The following SYCE3 variants were observed in gnomAD, a reference collection of about 807,000 sequenced individuals.
SYCE3 encodes synaptonemal complex central element protein 3, also known as testis highly expressed gene 2 protein.
Under a neutral mutation model 8.1 loss-of-function variants are expected in SYCE3, and 3 were observed. The observed-to-expected ratio is 0.37, with a 90% CI of 0.17 to 0.96. The LOEUF is 0.96. Ranked by LOEUF, SYCE3 falls within the 40% of genes least tolerant of loss-of-function variation. The probability of loss-of-function intolerance (pLI) is 0.41; values close to 1 mark genes in which losing one functional copy is unlikely to be tolerated. For missense variants in SYCE3, 83 were observed against 110.0 expected, an observed-to-expected ratio of 0.75 and a Z score of 1.10; for synonymous variants, 36 against 38.7, an observed-to-expected ratio of 0.93 and a Z score of 0.26.
At chr22:50,559,843 C>G (rs2069896981) in intron 1 of SYCE3, among the ~76,000 whole-genome samples, 3 of 152,052 alleles carry the variant, frequency 2.0e-5, no homozygotes, top group African/African-American at 7.2e-5. Flanking sequence ...CAGAAGAATC[C>G]CTTGAACCCA....
rs771907259 is a variant in SYCE3, at chr22:50,551,350, C to T, written c.162G>A (p.Thr54=). The T allele has an allele frequency of 3.4e-5, 52 of 1,551,024 alleles. 1 individual carries two copies. The highest frequency in any genetic ancestry group is 2.9e-4 in the East Asian group (12 of 40,926). ...YDMVVMRTNP[T]LAESMRRLED... ...CCAGCCGACGCATGGACTCGGCCAG[C>T]GTAGGGTTGGTGCGCATCACCACCA... Residue 54 remains threonine, a synonymous_variant, in exon 3 of 3, where the codon ACG becomes ACA. Transcript: ENST00000406915.
intron 2 of SYCE3, among the ~76,000 whole-genome samples, chr22:50,555,720 T>G (rs904746160): frequency 6.6e-6 from 1 of 151,914 alleles, no homozygotes; most frequent in Non-Finnish European, 1.5e-5. Context: ...TCAGAAAAAA[T>G]TTAAATCTAT....
At chr22:50,557,894 C>T (rs1402427753) in intron 1 of SYCE3, among the ~76,000 whole-genome samples, 3 of 152,090 alleles carry the variant, frequency 2.0e-5, no homozygotes, top group African/African-American at 7.2e-5. Context: ...TTAAGGGCCT[C>T]CACTCAGTTC....
At chr22:50,560,874 G>C (rs948982604) in intron 1 of SYCE3, among the ~76,000 whole-genome samples, 1 of 152,162 alleles carries the variant, frequency 6.6e-6, no homozygotes, top group African/African-American at 2.4e-5. Flanking sequence ...GGATGGCAAG[G>C]GGGGGATTTC....
In SYCE3 at chr22:50,561,371, G is replaced by C. The variant is rs931498552; in HGVS notation, c.-1+1487C>G. 3.3e-4 allele frequency among the ~76,000 whole-genome samples: 50 copies of C among 152,150 alleles called. 1 individual carries two copies. The highest frequency in any genetic ancestry group is 2.4e-3 in the Admixed American group (36 of 15,258). ...AGGGAGAGGGTGTGAGAGCTGATGTGGAGGAAGCAGCCACAGGATTAGAAT... is the reference window on the plus strand; with the variant it reads ...AGGGAGAGGGTGTGAGAGCTGATGTCGAGGAAGCAGCCACAGGATTAGAAT... On this transcript the variant is annotated intron_variant, in intron 1 of 2. Transcript: ENST00000406915.
rs1288175825 is a variant in SYCE3 at position 50,551,377 on chromosome 22, G to A, written c.135C>T (p.Asp45=). ...TAGGGTTGGTGCGCATCACCACCAT[G>A]TCATAGGCCATCCAGGTCGCCTGCA... ...ISVQATWMAY[D]MVVMRTNPTL... The change falls in exon 3 of 3, where the codon GAC becomes GAT. Residue 45 remains aspartate, a synonymous_variant. Coordinates refer to ENST00000406915, the MANE Select transcript of SYCE3 (RefSeq NM_001123225.3). 4.5e-6 allele frequency: 7 copies of A among 1,550,636 alleles called. No individual in the cohort carries two copies. The highest frequency in any genetic ancestry group is 1.7e-4 in the Middle Eastern group (1 of 6,010).
At chr22:50,559,191 A>C (rs1423222905) in intron 1 of SYCE3, among the ~76,000 whole-genome samples, 1 of 151,762 alleles carries the variant, frequency 6.6e-6, no homozygotes, top group African/African-American at 2.4e-5. Flanking sequence ...CAGTGGCGTC[A>C]TATCGGCTCA....
intron 2 of SYCE3, among the ~76,000 whole-genome samples, 192 bp downstream of exon 2, chr22:50,556,105 A>G (rs1044294373): frequency 3.9e-5 from 6 of 152,082 alleles, no homozygotes; most frequent in African/African-American, 1.4e-4. Context: ...ACCAGTGTAC[A>G]TCTTACAGGT....
chr22:50,560,202 A>G (rs1235959177), intron 1 of SYCE3, among the ~76,000 whole-genome samples: 1 of 152,208 alleles, frequency 6.6e-6, no homozygotes, highest in Non-Finnish European at 1.5e-5. Flanking sequence ...AGATTACAGT[A>G]TTTGGGCATG....
Position 50,553,202 on chromosome 22 carries a change from A to AAAATAAATAAATAAATAAATAAAT in SYCE3, c.110-1801_110-1800insATTTATTTATTTATTTATTTATTT, listed in dbSNP as rs368358510. 4.2e-3 allele frequency among the ~76,000 whole-genome samples: 633 copies of AAAATAAATAAATAAATAAATAAAT among 151,548 alleles called. 2 individuals carry two copies. The highest frequency in any genetic ancestry group is 0.031 in the Middle Eastern group (9 of 294). On this transcript the variant is annotated intron_variant, in intron 2 of 2. Coordinates refer to ENST00000406915, the MANE Select transcript of SYCE3 (RefSeq NM_001123225.3). ...GGGTGACAGAGTATGACCCTGTCTC[A>AAAATAAATAAATAAATAAATAAAT]AAATAAATAAATAAATAAATAAAAT... is the stretch of plus-strand genomic sequence containing the variant.
Position 50,553,257 on chromosome 22 carries a change from G to A in SYCE3, c.110-1855C>T, listed in dbSNP as rs1024804252. On this transcript the variant is annotated intron_variant, in intron 2 of 2. Coordinates refer to ENST00000406915, the MANE Select transcript of SYCE3 (RefSeq NM_001123225.3). ...AAGTGCTGGGATTACAGGCCACTGC[G>A]CCCAGCCATAACGTTTTTTTGAGTG... is the stretch of plus-strand genomic sequence containing the variant. Among the ~76,000 whole-genome samples, 16 of 151,142 alleles carry A rather than the reference G, an allele frequency of 1.1e-4. No homozygotes were observed. The Middle Eastern group carries it at 0.01, about 96-fold the overall frequency.
At chr22:50,559,701 CG>C (rs1569034070) in intron 1 of SYCE3, among the ~76,000 whole-genome samples, 1 of 151,970 alleles carries the variant, frequency 6.6e-6, no homozygotes, top group African/African-American at 2.4e-5. Flanking sequence ...AAGGCAGAGG[CG>C]GGGGATCACA....
intron 1 of SYCE3, among the ~76,000 whole-genome samples, chr22:50,557,553 G>T (rs1296118752): frequency 6.6e-6 from 1 of 152,144 alleles, no homozygotes; most frequent in African/African-American, 2.4e-5. Context: ...GTTCAGCACA[G>T]TACCTACCGT....
intron 1 of SYCE3, among the ~76,000 whole-genome samples, chr22:50,560,263 C>T (rs1307339913): frequency 2.0e-5 from 3 of 152,142 alleles, no homozygotes; most frequent in Non-Finnish European, 4.4e-5. Flanking sequence ...CTTTGGGAGG[C>T]TAAAGCAGGA....
At chr22:50,554,766 G>A (rs1297690565) in intron 2 of SYCE3, among the ~76,000 whole-genome samples, 2 of 151,370 alleles carry the variant, frequency 1.3e-5, no homozygotes, top group East Asian at 1.9e-4. Context: ...AGGCTGAGGC[G>A]GGCAGATCAC....
intron 2 of SYCE3, among the ~76,000 whole-genome samples, chr22:50,553,135 G>A (rs2148697782): frequency 6.6e-6 from 1 of 152,246 alleles, no homozygotes; most frequent in East Asian, 1.9e-4. Flanking sequence ...CTGGGAGGTG[G>A]AGGTTGCAGT....
intron 1 of SYCE3, among the ~76,000 whole-genome samples, chr22:50,559,196 G>A (rs1240631166): frequency 1.3e-5 from 2 of 151,332 alleles, no homozygotes; most frequent in African/African-American, 2.4e-5. Context: ...GCGTCATATC[G>A]GCTCACCACA....
At chr22:50,555,592 G>T (rs374761672) in intron 2 of SYCE3, among the ~76,000 whole-genome samples, 13 of 152,224 alleles carry the variant, frequency 8.5e-5, no homozygotes, top group African/African-American at 2.9e-4. Context: ...CCTGCTACCC[G>T]GAGGCTTCAT....
At chr22:50,558,843 C>T (rs2069886193) in intron 1 of SYCE3, among the ~76,000 whole-genome samples, 1 of 152,216 alleles carries the variant, frequency 6.6e-6, no homozygotes, top group South Asian at 2.1e-4. Flanking sequence ...ACTCCACTGT[C>T]ATCTGGCATC....
Sources: allele counts gnomAD v4.1 joint callset (sites outside exome capture counted in the v4.1 genomes callset), GRCh38; gene constraint gnomAD v4.1.1; transcripts MANE v1.5; gene names NCBI Gene and HGNC (gene_info 2026-07-23, HGNC 2026-07-21).